Variants in ASTN1 observed in about 807,000 individuals in gnomAD.
ASTN1 encodes astrotactin 1, also known as astrotactin-1.
ASTN1 carries 41 observed loss-of-function variants against 140.7 expected under a neutral mutation model. The observed-to-expected ratio is 0.29, with a 90% CI of 0.23 to 0.38. The LOEUF is 0.38. Ranked by LOEUF, ASTN1 falls within the 10% of genes least tolerant of loss-of-function variation. The probability of loss-of-function intolerance (pLI) is 1.00; values close to 1 mark genes in which losing one functional copy is unlikely to be tolerated. For missense variants in ASTN1, 1,479 were observed against 1,678.8 expected (o/e 0.88, Z 2.08); for synonymous variants, 640 against 652.2 (o/e 0.98, Z 0.29).
At chr1:176,948,327 A>C (rs932629672) in intron 12 of ASTN1, among the ~76,000 whole-genome samples, 2 of 147,014 alleles carry the variant, frequency 1.4e-5, no homozygotes, top group African/African-American at 2.5e-5. Context: ...AGAGTGGGGG[A>C]AGGATAGACA....
At position 176,922,556 on chromosome 1, in the gene ASTN1, C is replaced by CAAAAAAAAAA. The variant is rs71129589; in HGVS notation, c.2671+11586_2671+11595dup. 5.9e-4 allele frequency among the ~76,000 whole-genome samples: 46 copies of CAAAAAAAAAA among 77,588 alleles called. 1 individual carries two copies. The highest frequency in any genetic ancestry group is 1.1e-3 in the South Asian group (2 of 1,850). 50.9% of individuals were successfully genotyped at this position (77,588 alleles called of 152,430 possible). A position where few individuals can be genotyped will look rare whatever the true frequency, so the allele number is the denominator to read the frequency against. ...ACAGTGTCCACTCCAGCCCCCACTG[C>CAAAAAAAAAA]AAAAAAAAAAAAAAAAAAAAAAAAA... is the stretch of plus-strand genomic sequence containing the variant. On this transcript the variant is annotated intron_variant, in intron 16 of 22. Coordinates refer to ENST00000361833, the MANE Select transcript of ASTN1 (RefSeq NM_004319.3).
At chr1:176,925,783 T>G (rs1190299993) in intron 16 of ASTN1, among the ~76,000 whole-genome samples, 1 of 152,048 alleles carries the variant, frequency 6.6e-6, no homozygotes, top group Non-Finnish European at 1.5e-5. Flanking sequence ...AGAAGTGATT[T>G]CTAGTTCATC....
At chr1:176,975,072 G>T (rs1281911294) in intron 8 of ASTN1, among the ~76,000 whole-genome samples, 4 of 152,224 alleles carry the variant, frequency 2.6e-5, no homozygotes, top group African/African-American at 9.6e-5. Context: ...CCACATGGGA[G>T]AAGCTTAGCC....
intron 8 of ASTN1, among the ~76,000 whole-genome samples, chr1:176,986,747 C>A (rs747732033): frequency 6.6e-6 from 1 of 152,006 alleles, no homozygotes; most frequent in Non-Finnish European, 1.5e-5. Flanking sequence ...TGTAGAACAA[C>A]GATAATAATG....
At chr1:176,916,525 G>A (rs1002400108) in intron 16 of ASTN1, among the ~76,000 whole-genome samples, 2 of 152,148 alleles carry the variant, frequency 1.3e-5, no homozygotes, top group Non-Finnish European at 2.9e-5. Context: ...TTCCATGTAT[G>A]TCTCCCTAGG....
chr1:176,958,429 A>T lies in ASTN1; in HGVS notation c.1652T>A (p.Val551Glu). ...GMWLPLSKSF[V>E]IPPAELAINP... ...GATGGCCAGTTCGGCTGGTGGAATC[A>T]CAAAGCTCTTGCTGAGGGGCAACCA... Residue 551 changes from valine to glutamate, a missense_variant, in exon 10 of 23, where the codon GTG becomes GAG. By Grantham distance (121) the Val-to-Glu change is moderately radical. This residue lies in a region of ASTN1 where 729 missense variants were observed against 860.4 expected (regional missense o/e 0.85). Coordinates refer to ENST00000361833, the MANE Select transcript of ASTN1 (RefSeq NM_004319.3). 1 of 1,614,042 alleles carries T rather than the reference A, an allele frequency of 6.2e-7. No individual in the cohort carries two copies. The highest frequency in any genetic ancestry group is 8.5e-7 in the Non-Finnish European group (1 of 1,179,988).
At chr1:177,023,348 A>T (rs752183720) in intron 7 of ASTN1, 56 bp downstream of exon 7, 27 of 1,520,348 alleles carry the variant, frequency 1.8e-5, no homozygotes, top group Non-Finnish European at 2.3e-5. Context: ...CAAGGGAGTG[A>T]TTGCAAGAGG....
At chr1:176,890,126 C>T (rs1306347548) in intron 17 of ASTN1, among the ~76,000 whole-genome samples, 1 of 152,120 alleles carries the variant, frequency 6.6e-6, no homozygotes, top group African/African-American at 2.4e-5. Flanking sequence ...CACCTGTGGC[C>T]CCTGTCTGCA....
chr1:176,894,877 A>G, intron 16 of ASTN1, 47 bp from the exon 17 acceptor site: 1 of 1,606,236 alleles, frequency 6.2e-7, no homozygotes. Context: ...CAAAAAAGTA[A>G]GGACTATCAT....
intron 4 of ASTN1, among the ~76,000 whole-genome samples, chr1:177,030,454 C>T (rs2101972200): frequency 6.6e-6 from 1 of 152,282 alleles, no homozygotes; most frequent in South Asian, 2.1e-4. Context: ...AAGTGCTGGA[C>T]AGCAGACAGA....
At chr1:177,113,241 G>A (rs1558104607) in intron 1 of ASTN1, among the ~76,000 whole-genome samples, 1 of 152,116 alleles carries the variant, frequency 6.6e-6, no homozygotes, top group Non-Finnish European at 1.5e-5. Context: ...ACCAGGCACA[G>A]ACACCTAAGG....
chr1:176,935,880 T>G (rs575183532), intron 15 of ASTN1, among the ~76,000 whole-genome samples: 11 of 152,308 alleles, frequency 7.2e-5, no homozygotes, highest in African/African-American at 2.6e-4. Context: ...TTGCTCTCTT[T>G]TTTTAGTTCA....
intron 1 of ASTN1, among the ~76,000 whole-genome samples, chr1:177,150,370 G>C (rs1043305661): frequency 7.2e-5 from 11 of 152,232 alleles, no homozygotes; most frequent in Middle Eastern, 6.8e-3. Context: ...CATTCAGTCT[G>C]GGGGTAAAGG....
At chr1:177,164,349 GC>G in intron 1 of ASTN1, 44 bp downstream of exon 1, 1 of 1,483,936 alleles carries the variant, frequency 6.7e-7, no homozygotes, top group Non-Finnish European at 9.0e-7. Flanking sequence ...GGGTGGGGGC[GC>G]CGGTCCAGCG....
chr1:176,894,897 GC>G (rs1669441906), intron 16 of ASTN1, 67 bp from the exon 17 acceptor site: 2 of 1,586,122 alleles, frequency 1.3e-6, no homozygotes, highest in South Asian at 2.2e-5. Context: ...TGACCTCGTG[GC>G]CCCTGAGTGC....
At chr1:177,104,995 GC>G (rs1680484842) in intron 1 of ASTN1, among the ~76,000 whole-genome samples, 1 of 152,072 alleles carries the variant, frequency 6.6e-6, no homozygotes, top group South Asian at 2.1e-4. Flanking sequence ...CGACTACTTA[GC>G]CTGGCTCACA....
intron 1 of ASTN1, among the ~76,000 whole-genome samples, chr1:177,125,812 T>A (rs920555886): frequency 3.9e-5 from 6 of 152,212 alleles, no homozygotes; most frequent in African/African-American, 1.4e-4. Context: ...TTACCTCGAT[T>A]ATTCTTCAAC....
intron 1 of ASTN1, among the ~76,000 whole-genome samples, chr1:177,124,773 G>A (rs1681564597): frequency 1.3e-5 from 2 of 152,188 alleles, no homozygotes; most frequent in African/African-American, 4.8e-5. Flanking sequence ...GAGTAAGTTA[G>A]CACCACTAAA....
intron 16 of ASTN1, among the ~76,000 whole-genome samples, chr1:176,909,322 G>T (rs1670131329): frequency 6.6e-6 from 1 of 152,214 alleles, no homozygotes; most frequent in Non-Finnish European, 1.5e-5. Context: ...TCTATCAGAA[G>T]ATGTGGCTAT....
Sources: allele counts gnomAD v4.1 joint callset (sites outside exome capture counted in the v4.1 genomes callset), GRCh38; gene constraint gnomAD v4.1.1; regional missense constraint gnomAD v4.1.1; transcripts MANE v1.5; gene names NCBI Gene and HGNC (gene_info 2026-07-23, HGNC 2026-07-21).